CABCOCO1: variants seen among roughly 807,000 people sequenced by gnomAD.
CABCOCO1 encodes the protein ciliary-associated calcium-binding coiled-coil protein 1.
Under a neutral mutation model 35.7 loss-of-function variants are expected in CABCOCO1, and 28 were observed. The ratio of observed to expected loss-of-function variants is 0.78; its 90% CI spans 0.58 to 1.07. CABCOCO1 has a LOEUF of 1.07. Among genes scored for constraint, CABCOCO1 ranks in the 50% least tolerant of loss-of-function variants. The pLI, the probability that CABCOCO1 is intolerant of heterozygous loss-of-function variation, is 0.00. For missense variants in CABCOCO1, 326 were observed against 309.2 expected (o/e 1.05, Z -0.41); for synonymous variants, 95 against 100.1 (o/e 0.95, Z 0.30).
chr10:61,671,001 G>GC (rs1437219880), intron 1 of CABCOCO1, among the ~76,000 whole-genome samples: 1 of 152,190 alleles, frequency 6.6e-6, no homozygotes, highest in African/African-American at 2.4e-5. Context: ...TTAAAAACTA[G>GC]CATAGTCTTC....
At chr10:61,726,824 A>AGG (rs145206182) in intron 5 of CABCOCO1, among the ~76,000 whole-genome samples, 4 of 144,792 alleles carry the variant, frequency 2.8e-5, no homozygotes, top group East Asian at 2.0e-4. Flanking sequence ...TTGGGAGGCG[A>AGG]GCGGGGGTGG....
intron 5 of CABCOCO1, among the ~76,000 whole-genome samples, chr10:61,693,431 T>C (rs1203874059): frequency 6.6e-6 from 1 of 152,108 alleles, no homozygotes; most frequent in Non-Finnish European, 1.5e-5. Flanking sequence ...TAGGCAAGCA[T>C]TCAAGTTAGA....
chr10:61,663,245 C>A (rs1839062828), intron 1 of CABCOCO1: 1 of 162,254 alleles, frequency 6.2e-6, no homozygotes, highest in Non-Finnish European at 1.4e-5. Flanking sequence ...GCCCCCCAGC[C>A]GGCCCCGGCG....
chr10:61,668,165 T>A (rs1839247445), intron 1 of CABCOCO1, among the ~76,000 whole-genome samples: 1 of 151,966 alleles, frequency 6.6e-6, no homozygotes, highest in African/African-American at 2.4e-5. Flanking sequence ...CTAATGATGA[T>A]CCAACCTTGG....
chr10:61,761,636 A>G (rs1842012035), intron 7 of CABCOCO1, among the ~76,000 whole-genome samples: 1 of 152,126 alleles, frequency 6.6e-6, no homozygotes, highest in South Asian at 2.1e-4. Flanking sequence ...ATAATTTTTC[A>G]GGCCAAATGA....
chr10:61,758,058 C>G (rs1488075137), intron 5 of CABCOCO1, among the ~76,000 whole-genome samples: 1 of 152,038 alleles, frequency 6.6e-6, no homozygotes. Context: ...GCATTAAAAA[C>G]AACACTTTTA....
At chr10:61,734,101 A>T (rs939091723) in intron 5 of CABCOCO1, among the ~76,000 whole-genome samples, 3 of 151,838 alleles carry the variant, frequency 2.0e-5, no homozygotes, top group African/African-American at 7.3e-5. Context: ...AATTAATGCT[A>T]CTTATTACGT....
chr10:61,669,173 A>G (rs1484208993), intron 1 of CABCOCO1, among the ~76,000 whole-genome samples: 1 of 152,026 alleles, frequency 6.6e-6, no homozygotes, highest in Non-Finnish European at 1.5e-5. Context: ...AAGCACTACC[A>G]GTGATGGATA....
In CABCOCO1 at chr10:61,760,162, T is replaced by C; in HGVS notation, c.656T>C (p.Ile219Thr). The C allele has an allele frequency of 1.9e-6, 3 of 1,611,610 alleles. No homozygotes were observed. Among genetic ancestry groups the C allele is most frequent in the Non-Finnish European group, 2.5e-6 (3 of 1,178,122 alleles). Reference protein sequence around the residue: ...IYSTFIEPPTILDTEMKRLDQ... With the variant: ...IYSTFIEPPTTLDTEMKRLDQ... ...TCAACATTCATAGAGCCCCCCACAA[T>C]ATTGGATACGGAAATGAAGGTATAT... The change falls in exon 6 of 8, where the codon ATA (isoleucine) becomes ACA (threonine). Residue 219 changes from isoleucine (I) to threonine (T), a missense_variant. Transcript: ENST00000648843.
At chr10:61,717,543 T>C (rs932869147) in intron 5 of CABCOCO1, among the ~76,000 whole-genome samples, 5 of 152,150 alleles carry the variant, frequency 3.3e-5, no homozygotes, top group Non-Finnish European at 7.4e-5. Context: ...TCTGATACTT[T>C]TATTTAACAA....
chr10:61,684,795 A>T (rs1240595829), intron 3 of CABCOCO1: 1 of 152,342 alleles, frequency 6.6e-6, no homozygotes, highest in East Asian at 1.9e-4. Flanking sequence ...ACCTGACTCC[A>T]TCTTCCAGGG....
At chr10:61,754,159 G>A (rs1841850004) in intron 5 of CABCOCO1, among the ~76,000 whole-genome samples, 1 of 152,040 alleles carries the variant, frequency 6.6e-6, no homozygotes, top group African/African-American at 2.4e-5. Context: ...ACAATTCGAT[G>A]AAGTAGCCAG....
At chr10:61,748,189 A>G (rs1841706072) in intron 5 of CABCOCO1, among the ~76,000 whole-genome samples, 1 of 152,028 alleles carries the variant, frequency 6.6e-6, no homozygotes. Flanking sequence ...ATTTGGCACT[A>G]TTAATTAAGA....
chr10:61,745,386 A>T (rs1357940087), intron 5 of CABCOCO1, among the ~76,000 whole-genome samples: 1 of 152,172 alleles, frequency 6.6e-6, no homozygotes. Context: ...GACAAGGTCC[A>T]CTTACAAACC....
chr10:61,694,723 A>G (rs930724883), intron 5 of CABCOCO1, among the ~76,000 whole-genome samples: 3 of 152,102 alleles, frequency 2.0e-5, no homozygotes, highest in Non-Finnish European at 4.4e-5. Flanking sequence ...ATGGGCATCT[A>G]CAAGTTTGGA....
At chr10:61,731,056 T>C (rs1382001936) in intron 5 of CABCOCO1, among the ~76,000 whole-genome samples, 1 of 150,588 alleles carries the variant, frequency 6.6e-6, no homozygotes, top group Non-Finnish European at 1.5e-5. Context: ...GCAAATTTTA[T>C]TGGAGTAGAG....
In CABCOCO1 at chr10:61,710,387, A is replaced by G. The variant is rs553774413; in HGVS notation, c.552+19766A>G. 2.3e-4 allele frequency among the ~76,000 whole-genome samples: 35 copies of G among 152,026 alleles called. No homozygotes were observed. In the South Asian group the frequency reaches 7.1e-3, roughly 31 times the overall value. On this transcript the variant is annotated intron_variant, in intron 5 of 7. Transcript: ENST00000648843. ...GTTAACTGGAGAAACCCTAAGTTTCATTGAACACAGTTTGAATCCTAAAGT... is the reference window on the plus strand; with the variant it reads ...GTTAACTGGAGAAACCCTAAGTTTCGTTGAACACAGTTTGAATCCTAAAGT...
At chr10:61,751,117 TC>T (rs1233823341) in intron 5 of CABCOCO1, among the ~76,000 whole-genome samples, 2 of 148,968 alleles carry the variant, frequency 1.3e-5, no homozygotes, top group Non-Finnish European at 3.0e-5. Context: ...AGGGAAAAGC[TC>T]CCCCAGCAGA....
intron 5 of CABCOCO1, among the ~76,000 whole-genome samples, chr10:61,691,636 C>T (rs1436349176): frequency 6.6e-6 from 1 of 152,082 alleles, no homozygotes; most frequent in Non-Finnish European, 1.5e-5. Context: ...AATACTATCC[C>T]TCCCCTTGCC....
Sources: gnomAD v4.1 joint callset for allele counts (sites outside exome capture counted in the v4.1 genomes callset) on GRCh38, gnomAD v4.1.1 for gene constraint, MANE v1.5 for transcripts, NCBI Gene and HGNC (gene_info 2026-07-23, HGNC 2026-07-21) for gene names.